Variants in PIK3C2G observed in about 807,000 individuals in gnomAD.
The protein encoded by PIK3C2G is phosphatidylinositol 3-kinase C2 domain-containing subunit gamma.
In PIK3C2G, 168 loss-of-function variants were observed where a neutral mutation model predicts 181.1. That is an observed-to-expected ratio of 0.93 (90% CI 0.82 to 1.05). The LOEUF (loss-of-function observed/expected upper bound fraction) is 1.05. Among genes scored for constraint, PIK3C2G ranks in the 50% least tolerant of loss-of-function variants. The pLI is 0.00. For synonymous variants in PIK3C2G, 573 were observed against 592.2 expected (o/e 0.97, Z 0.47); for missense variants, 1,869 against 1,732.8 (o/e 1.08, Z -1.40).
At chr12:18,685,007 C>T in the PIK3C2G span, among the ~76,000 whole-genome samples, 2 of 151,996 alleles carry the variant, frequency 1.3e-5, no homozygotes, top group Non-Finnish European at 2.9e-5. Flanking sequence ...CCTGAGGCCT[C>T]CCCAGCCATG....
the PIK3C2G span, among the ~76,000 whole-genome samples, chr12:18,713,209 G>C: frequency 6.6e-6 from 1 of 151,868 alleles, no homozygotes; most frequent in Non-Finnish European, 1.5e-5. Context: ...TGTCTTTCTC[G>C]CTAGTCAAAT....
the PIK3C2G span, chr12:18,723,534 G>A: frequency 6.2e-7 from 1 of 1,611,456 alleles, no homozygotes; most frequent in Non-Finnish European, 8.5e-7. Flanking sequence ...GTTTCAGCCT[G>A]TCATTGTCCT....
At chr12:18,654,670 C>A in the PIK3C2G span, among the ~76,000 whole-genome samples, 2 of 152,162 alleles carry the variant, frequency 1.3e-5, no homozygotes, top group Non-Finnish European at 2.9e-5. Flanking sequence ...AAAGGGAAAT[C>A]AGACAAGATG....
chr12:18,562,887 A>G lies in PIK3C2G; in HGVS notation c.3775A>G (p.Ser1259Gly). 1.3e-6 allele frequency: 2 copies of G among 1,588,976 alleles called. No individual in the cohort carries two copies. Among genetic ancestry groups the G allele is most frequent in the Non-Finnish European group, 1.7e-6 (2 of 1,165,234 alleles). ...ATILGFSKKS[S>G]NLYLIQVTHS... ...AATTTTAGGGTTCAGCAAGAAATCC[A>G]GTAATGTAAGTTTAAAGTCCGTCAT... Residue 1259 changes from serine (S) to glycine (G), a missense_variant, in exon 27 of 33, where the codon AGT (serine) becomes GGT (glycine). Ser to Gly is a moderately conservative substitution (Grantham distance 56). Transcript: ENST00000538779.
chr12:18,650,918 T>A (rs1166537237), downstream of PIK3C2G, among the ~76,000 whole-genome samples: 1 of 151,338 alleles, frequency 6.6e-6, no homozygotes, highest in Admixed American at 6.6e-5. Flanking sequence ...CTGAACAGTC[T>A]CCTCCTTTCT....
intron 6 of PIK3C2G, among the ~76,000 whole-genome samples, chr12:18,319,231 G>A (rs1325439114): frequency 6.6e-6 from 1 of 151,960 alleles, no homozygotes; most frequent in Non-Finnish European, 1.5e-5. Flanking sequence ...CTCAAATTTG[G>A]TCAAAAGTAT....
chr12:18,343,234 G>A, intron 9 of PIK3C2G, 93 bp from the exon 10 acceptor site: 1 of 689,868 alleles, frequency 1.4e-6, no homozygotes. Flanking sequence ...CCATGACAAA[G>A]AAATTATAAT....
At chr12:18,701,468 C>T in the PIK3C2G span, 1 of 1,612,194 alleles carries the variant, frequency 6.2e-7, no homozygotes, top group Non-Finnish European at 8.5e-7. Flanking sequence ...ACTTTCCAAT[C>T]ACTTGTAAGA....
intron 11 of PIK3C2G, among the ~76,000 whole-genome samples, chr12:18,351,085 T>A (rs1277658570): frequency 6.6e-6 from 1 of 152,058 alleles, no homozygotes; most frequent in Non-Finnish European, 1.5e-5. Flanking sequence ...AAATTTCCAA[T>A]AACCTATATA....
chr12:18,678,065 T>C, the PIK3C2G span, among the ~76,000 whole-genome samples: 6 of 152,106 alleles, frequency 3.9e-5, no homozygotes, highest in African/African-American at 1.4e-4. Flanking sequence ...TTGCTATAAA[T>C]ATTATGCAAA....
At chr12:18,456,066 C>G (rs1947609874) in intron 18 of PIK3C2G, among the ~76,000 whole-genome samples, 1 of 152,112 alleles carries the variant, frequency 6.6e-6, no homozygotes, top group South Asian at 2.1e-4. Flanking sequence ...CCTTACAGAA[C>G]AAAGACACAA....
the PIK3C2G span, chr12:18,713,095 G>A: frequency 1.4e-6 from 2 of 1,406,944 alleles, no homozygotes; most frequent in East Asian, 2.5e-5. Context: ...ATGCATAAAT[G>A]AGTCCATAAA....
upstream of PIK3C2G, among the ~76,000 whole-genome samples, chr12:18,260,821 T>C (rs1948213112): frequency 6.6e-6 from 1 of 152,094 alleles, no homozygotes; most frequent in African/African-American, 2.4e-5. Flanking sequence ...TACCTGGATT[T>C]AATTATATAA....
intron 25 of PIK3C2G, among the ~76,000 whole-genome samples, chr12:18,540,672 G>T (rs966130290): frequency 5.9e-5 from 9 of 151,786 alleles, no homozygotes; most frequent in African/African-American, 2.2e-4. Context: ...CTGGAATATA[G>T]TATATCCAAA....
intron 30 of PIK3C2G, among the ~76,000 whole-genome samples, chr12:18,603,566 G>T (rs1286389293): frequency 1.3e-5 from 2 of 152,076 alleles, no homozygotes; most frequent in African/African-American, 4.8e-5. Context: ...TGAGCACATT[G>T]TCATCAGGTT....
chr12:18,443,275 T>C (rs1470076012), intron 18 of PIK3C2G, among the ~76,000 whole-genome samples: 1 of 152,212 alleles, frequency 6.6e-6, no homozygotes, highest in African/African-American at 2.4e-5. Context: ...ACCTACTCTG[T>C]ACATGGTGCT....
intron 6 of PIK3C2G, among the ~76,000 whole-genome samples, chr12:18,318,811 C>T (rs1950981190): frequency 1.4e-5 from 2 of 147,312 alleles, no homozygotes; most frequent in African/African-American, 5.0e-5. Flanking sequence ...AAAAAAAAAG[C>T]AGGCCAGGAG....
chr12:18,572,101 G>C lies in PIK3C2G; in HGVS notation c.4011+5044G>C, dbSNP rs867615657. ...TTTTATGAATTTCCCAATGATACAA[G>C]GTCCTTAGAGCCCTATGCCTATTTA... On this transcript the variant is annotated intron_variant, in intron 29 of 32. Transcript: ENST00000538779. Among the ~76,000 whole-genome samples, 15 of 141,228 alleles carry C rather than the reference G, an allele frequency of 1.1e-4. 1 individual carries two copies. Among genetic ancestry groups the C allele is most frequent in the African/African-American group, 4.4e-4 (15 of 34,054 alleles). 92.7% of individuals were successfully genotyped at this position (141,228 alleles called of 152,430 possible). A position where few individuals can be genotyped will look rare whatever the true frequency, so the allele number is the denominator to read the frequency against.
intron 13 of PIK3C2G, among the ~76,000 whole-genome samples, chr12:18,373,839 C>T (rs1447319677): frequency 2.7e-5 from 4 of 150,718 alleles, no homozygotes; most frequent in South Asian, 2.1e-4. Flanking sequence ...GGCGACAGAG[C>T]GAGACTCCGT....
Sources: allele counts gnomAD v4.1 joint callset (sites outside exome capture counted in the v4.1 genomes callset), GRCh38; gene constraint gnomAD v4.1.1; transcripts MANE v1.5; gene names NCBI Gene and HGNC (gene_info 2026-07-23, HGNC 2026-07-21).